The following DLGAP5 variants were observed in gnomAD, a reference collection of about 807,000 sequenced individuals.
DLGAP5 encodes the protein disks large-associated protein 5.
DLGAP5 carries 90 observed loss-of-function variants against 99.6 expected under a neutral mutation model. The observed-to-expected ratio is 0.90, with a 90% confidence interval of 0.76 to 1.08. The LOEUF is 1.08. DLGAP5 is among the 50% of genes least tolerant of loss of function. The pLI is 0.00. For synonymous variants in DLGAP5, 311 were observed against 321.3 expected, an observed-to-expected ratio of 0.97 and a Z score of 0.34; for missense variants, 1,036 against 983.5, an observed-to-expected ratio of 1.05 and a Z score of -0.71.
intron 12 of DLGAP5, among the ~76,000 whole-genome samples, chr14:55,166,699 A>T (rs1882654030): frequency 6.6e-6 from 1 of 152,006 alleles, no homozygotes; most frequent in African/African-American, 2.4e-5. Flanking sequence ...ATTGCACTCC[A>T]GTCTGGGCAA....
chr14:55,179,271 T>C (rs1303401147), intron 7 of DLGAP5, among the ~76,000 whole-genome samples: 2 of 152,124 alleles, frequency 1.3e-5, no homozygotes, highest in Non-Finnish European at 2.9e-5. Flanking sequence ...ATGCAACTAA[T>C]TGGAAGCAGA....
At chr14:55,161,630 G>A (rs1300824226) in intron 13 of DLGAP5, among the ~76,000 whole-genome samples, 25 of 150,672 alleles carry the variant, frequency 1.7e-4, no homozygotes, top group Admixed American at 1.6e-3. Flanking sequence ...GGCTGGTCTC[G>A]AACTCCCGAC....
In DLGAP5 at chr14:55,170,168, A is replaced by G. The variant is rs573405098; in HGVS notation, c.1387+534T>C. The stretch of plus-strand genomic sequence containing the variant: ...AATAATAATAAATAAATTAAAAAAA[A>G]AAAACTCAACGTCAAACAACTCACT... On this transcript the variant is annotated intron_variant, in intron 11 of 18. Coordinates refer to ENST00000247191, the MANE Select transcript of DLGAP5 (RefSeq NM_014750.5). Among the ~76,000 whole-genome samples, 10 of 151,730 alleles carry G rather than the reference A, an allele frequency of 6.6e-5. No homozygotes were observed. The East Asian group carries it at 1.9e-3, about 29-fold the overall frequency.
chr14:55,166,218 A>G (rs905826004), intron 12 of DLGAP5, among the ~76,000 whole-genome samples: 2 of 152,248 alleles, frequency 1.3e-5, no homozygotes, highest in African/African-American at 4.8e-5. Context: ...AAAGGTGTGA[A>G]GTACACAAGG....
intron 2 of DLGAP5, among the ~76,000 whole-genome samples, chr14:55,187,032 C>T (rs1883456274): frequency 6.6e-6 from 1 of 151,944 alleles, no homozygotes; most frequent in South Asian, 2.1e-4. Flanking sequence ...CCTCAGCCGC[C>T]CAAGTAGCTG....
chr14:55,190,286 C>CCACA (rs1330480685), intron 1 of DLGAP5, among the ~76,000 whole-genome samples: 1 of 105,402 alleles, frequency 9.5e-6, no homozygotes, highest in African/African-American at 9.5e-5. Flanking sequence ...AAAAGAAAAG[C>CCACA]CATACACACA....
Position 55,170,801 on chromosome 14 carries a change from A to T in DLGAP5, c.1302-14T>A, listed in dbSNP as rs1566501641. On this transcript the variant is annotated splice_polypyrimidine_tract_variant and intron_variant, in intron 10 of 18. Coordinates refer to ENST00000247191, the MANE Select transcript of DLGAP5 (RefSeq NM_014750.5). ...TGGAGGATATTTCTAAAATTATGAC[A>T]TACATTTCAGTTCTACAAGTGGTTT... The T allele has an allele frequency of 1.2e-6, 2 of 1,605,186 alleles. No homozygotes were observed. The highest frequency in any genetic ancestry group is 3.3e-5 in the Admixed American group (2 of 59,994).
intron 2 of DLGAP5, among the ~76,000 whole-genome samples, chr14:55,184,058 TAGG>T (rs755878104): frequency 6.6e-5 from 10 of 151,670 alleles, no homozygotes; most frequent in Non-Finnish European, 1.5e-4. Context: ...GAGGTTGAGG[TAGG>T]AGAATTGCTT....
intron 10 of DLGAP5, among the ~76,000 whole-genome samples, chr14:55,171,717 G>A (rs1429352138): frequency 1.3e-5 from 2 of 152,168 alleles, no homozygotes; most frequent in African/African-American, 4.8e-5. Flanking sequence ...AGCAACCCAA[G>A]TGTCCACTGA....
intron 13 of DLGAP5, among the ~76,000 whole-genome samples, chr14:55,159,474 G>A (rs909778754): frequency 6.6e-6 from 1 of 152,224 alleles, no homozygotes; most frequent in Non-Finnish European, 1.5e-5. Flanking sequence ...TTGAAAGGTA[G>A]AATTGAGAGG....
At chr14:55,173,280 A>C (rs932131717) in intron 10 of DLGAP5, among the ~76,000 whole-genome samples, 7 of 128,652 alleles carry the variant, frequency 5.4e-5, no homozygotes, top group African/African-American at 2.0e-4. Flanking sequence ...TACAAAAAAA[A>C]AAAAAAACAA....
chr14:55,156,497 G>A (rs75410433), intron 14 of DLGAP5, among the ~76,000 whole-genome samples: 8,716 of 152,264 alleles, frequency 0.057, 314 homozygotes, highest in South Asian at 0.09. Flanking sequence ...ATCTTCTCTG[G>A]GGAATCTGAG....
chr14:55,175,566 G>A, intron 9 of DLGAP5, 94 bp from the exon 10 acceptor site: 1 of 833,810 alleles, frequency 1.2e-6, no homozygotes, highest in Non-Finnish European at 1.8e-6. Flanking sequence ...CCTTTTCAAT[G>A]TTTAATTTTA....
At chr14:55,188,565 A>G (rs1418804880) in intron 2 of DLGAP5, among the ~76,000 whole-genome samples, 2 of 152,170 alleles carry the variant, frequency 1.3e-5, no homozygotes, top group Non-Finnish European at 2.9e-5. Context: ...AAGTGTTATA[A>G]TACTCCACAG....
rs1412768067 is a variant in DLGAP5 at position 55,151,945 on chromosome 14, G to T, written c.2122-4C>A. The T allele has an allele frequency of 1.9e-6, 3 of 1,604,144 alleles. No homozygotes were observed. The African/African-American group carries it at 4.0e-5, about 22-fold the overall frequency. ...TCAAGTCTGTCTTATTTACAACCTG[G>T]AAGTAAAAATGGCATTATATTTAAT... On this transcript the variant is annotated splice_region_variant and splice_polypyrimidine_tract_variant and intron_variant, in intron 16 of 18. Transcript: ENST00000247191.
chr14:55,161,319 T>G (rs1260253796), intron 13 of DLGAP5, among the ~76,000 whole-genome samples: 1 of 152,032 alleles, frequency 6.6e-6, no homozygotes, highest in Non-Finnish European at 1.5e-5. Context: ...AGTAGCATCC[T>G]TCACTATTTA....
At chr14:55,162,627 A>AAAG (rs1392163533) in intron 13 of DLGAP5, among the ~76,000 whole-genome samples, 1 of 151,616 alleles carries the variant, frequency 6.6e-6, no homozygotes, top group African/African-American at 2.4e-5. Flanking sequence ...TCAAAAAAAA[A>AAAG]AAAAGAAGAA....
At chr14:55,175,061 G>A (rs1883010093) in intron 10 of DLGAP5, among the ~76,000 whole-genome samples, 1 of 152,136 alleles carries the variant, frequency 6.6e-6, no homozygotes, top group African/African-American at 2.4e-5. Flanking sequence ...AACTATCCAT[G>A]GAAGTATTCA....
At chr14:55,182,623 T>A (rs1052163509) in intron 3 of DLGAP5, among the ~76,000 whole-genome samples, 191 bp from the exon 4 acceptor site, 4 of 152,212 alleles carry the variant, frequency 2.6e-5, no homozygotes, top group African/African-American at 9.6e-5. Context: ...CAAAAATTAC[T>A]CACATTTCTC....
Sources: allele counts gnomAD v4.1 joint callset (sites outside exome capture counted in the v4.1 genomes callset), GRCh38; gene constraint gnomAD v4.1.1; transcripts MANE v1.5; gene names NCBI Gene and HGNC (gene_info 2026-07-23, HGNC 2026-07-21).